The following GOLGB1 variants were observed in gnomAD, a reference collection of about 807,000 sequenced individuals.
GOLGB1 encodes the protein golgin subfamily B member 1.
GOLGB1 carries 174 observed loss-of-function variants against 336.9 expected under a neutral mutation model. The ratio of observed to expected loss-of-function variants is 0.52; its 90% CI spans 0.46 to 0.59. The LOEUF is 0.59. Ranked by LOEUF, GOLGB1 falls within the 20% of genes least tolerant of loss-of-function variation. The probability of loss-of-function intolerance (pLI) is 0.00; values close to 1 mark genes in which losing one functional copy is unlikely to be tolerated. For missense variants in GOLGB1, 3,331 were observed against 3,645.3 expected, an observed-to-expected ratio of 0.91 and a Z score of 2.22; for synonymous variants, 1,208 against 1,289.2, an observed-to-expected ratio of 0.94 and a Z score of 1.35.
chr3:121,737,607 G>T (rs868201679), intron 1 of GOLGB1, among the ~76,000 whole-genome samples: 1 of 148,936 alleles, frequency 6.7e-6, no homozygotes, highest in Non-Finnish European at 1.5e-5. Context: ...GCCAAGATTC[G>T]CACCACTGCA....
Position 121,722,396 on chromosome 3 carries a change from A to G in GOLGB1, c.532-18T>C. The G allele has an allele frequency of 1.5e-6, 2 of 1,332,988 alleles. No individual in the cohort carries two copies. The highest frequency in any genetic ancestry group is 2.2e-6 in the Non-Finnish European group (2 of 927,386). The allele number at this position is 1,332,988 out of a possible 1,614,324, so 82.6% of individuals were successfully genotyped here. A position where few individuals can be genotyped will look rare whatever the true frequency, so the allele number is the denominator to read the frequency against. ...GTAGAACTCTTATCAAACCGAAGAC[A>G]TAGAAGGAAAAAAAATTATTTAAGC... On this transcript the variant is annotated intron_variant, in intron 5 of 21. Transcript: ENST00000614479.
Position 121,681,685 on chromosome 3 carries a change from A to G in GOLGB1, c.8873+2T>C. The G allele has an allele frequency of 6.3e-7, 1 of 1,575,976 alleles. No homozygotes were observed. ...TTGAAAAGGAGGGATTATATATAGT[A>G]CCTGAGCTGATGCAGCTCATGCTGC... is the stretch of plus-strand genomic sequence containing the variant. On this transcript the variant is annotated splice_donor_variant, in intron 15 of 21. Transcript: ENST00000614479. LOFTEE classifies it high-confidence loss of function.
rs752345956 is a variant in GOLGB1 at position 121,677,322 on chromosome 3, G to A, written c.9002C>T (p.Ser3001Phe). ...TTGCACTTTGAGAGGCTGAGTCTGG[G>A]AGGAAGAAGACCTCAATTCCCTTAT... ...NLIRELRSSS[S>F]QTQPLKVQYQ... Residue 3001 changes from serine (S) to phenylalanine (F), a missense_variant, in exon 16 of 22, where the codon TCC becomes TTC. By Grantham distance (155) the Ser-to-Phe change is radical (BLOSUM62 -2). Transcript: ENST00000614479. 4 of 1,611,528 alleles carry A rather than the reference G, an allele frequency of 2.5e-6. No individual in the cohort carries two copies. The highest frequency in any genetic ancestry group is 3.4e-6 in the Non-Finnish European group (4 of 1,178,084).
intron 1 of GOLGB1, among the ~76,000 whole-genome samples, chr3:121,744,441 C>CAAAAAAAAAAAAAAAAAAAAAAAAAAAA (rs11290154): frequency 4.1e-5 from 3 of 73,098 alleles, no homozygotes; most frequent in Non-Finnish European, 8.1e-5. Flanking sequence ...ACTGTCTCTA[C>CAAAAAAAAAAAAAAAAAAAAAAAAAAAA]AAAAAAAAAA....
chr3:121,703,362 T>C (rs935234049), intron 10 of GOLGB1, among the ~76,000 whole-genome samples: 8 of 152,246 alleles, frequency 5.3e-5, no homozygotes, highest in Non-Finnish European at 1.2e-4. Context: ...GTTTGCAGTA[T>C]GCAGGGCAAG....
Position 121,695,907 on chromosome 3 carries a change from TTTTC to T in GOLGB1, c.4612_4615del (p.Glu1538LysfsTer5). 4 of 1,613,502 alleles carry T rather than the reference TTTTC, an allele frequency of 2.5e-6. No homozygotes were observed. The highest frequency in any genetic ancestry group is 3.4e-6 in the Non-Finnish European group (4 of 1,179,846). On this transcript the variant is annotated frameshift_variant, in exon 13 of 22. Coordinates refer to ENST00000614479, the MANE Select transcript of GOLGB1 (RefSeq NM_001366282.2). LOFTEE classifies it high-confidence loss of function. ...AGCTAACCTTCCTAAGACCGTATCT[TTTTC>T]TTTATTTTGAGCAGAAACTTGGCTT... is the stretch of plus-strand genomic sequence containing the variant.
Position 121,694,625 on chromosome 3 carries a change from A to C in GOLGB1, c.5898T>G (p.Leu1966=). 3 of 1,611,872 alleles carry C rather than the reference A, an allele frequency of 1.9e-6. No homozygotes were observed. The South Asian group carries it at 3.3e-5, about 18-fold the overall frequency. The part of the protein sequence containing the change: ...NELLESEMKN[L]KKCVSELEEE... ...CTTCCAATTCACTCACACACTTTTT[A>C]AGGTTCTTCATTTCAGATTCCAATA... The change falls in exon 13 of 22, where the codon CTT becomes CTG. Residue 1966 remains leucine, a synonymous_variant. Transcript: ENST00000614479.
intron 1 of GOLGB1, among the ~76,000 whole-genome samples, chr3:121,747,396 C>CATAT (rs1337229045): frequency 1.4e-5 from 2 of 139,756 alleles, no homozygotes; most frequent in African/African-American, 2.6e-5. Context: ...TATATATATA[C>CATAT]ATATATACGT....
chr3:121,697,438 T>C lies in GOLGB1; in HGVS notation c.3085A>G (p.Lys1029Glu). 6.2e-7 allele frequency: 1 copy of C among 1,611,360 alleles called. No individual in the cohort carries two copies. The highest frequency in any genetic ancestry group is 8.5e-7 in the Non-Finnish European group (1 of 1,179,480). The change falls in exon 13 of 22, where the codon AAG (lysine) becomes GAG (glutamate). Residue 1029 changes from lysine (K) to glutamate (E), a missense_variant. Coordinates refer to ENST00000614479, the MANE Select transcript of GOLGB1 (RefSeq NM_001366282.2). ...EELANLKDES[K>E]KEIPLSETER... Reference sequence around the variant, plus strand: ...GTCTCACTGAGTGGGATTTCTTTCTTAGATTCATCTTTCAAGTTGGCTAAT... The same window carrying C: ...GTCTCACTGAGTGGGATTTCTTTCTCAGATTCATCTTTCAAGTTGGCTAAT...
intron 14 of GOLGB1, among the ~76,000 whole-genome samples, chr3:121,683,511 C>A (rs1337412735): frequency 2.0e-5 from 3 of 152,012 alleles, no homozygotes; most frequent in African/African-American, 7.3e-5. Context: ...TAAGGGCTAC[C>A]AATAAGCTCA....
At chr3:121,667,796 C>T (rs1260269285) in intron 19 of GOLGB1, among the ~76,000 whole-genome samples, 186 bp from the exon 20 acceptor site, 2 of 152,192 alleles carry the variant, frequency 1.3e-5, no homozygotes, top group Non-Finnish European at 2.9e-5. Flanking sequence ...AAAGAAATTT[C>T]AGGAACTGAT....
At position 121,691,369 on chromosome 3, in the gene GOLGB1, T is replaced by C; in HGVS notation, c.7995A>G (p.Glu2665=). The C allele has an allele frequency of 6.2e-7, 1 of 1,613,062 alleles. No individual in the cohort carries two copies. Among genetic ancestry groups the C allele is most frequent in the East Asian group, 2.2e-5 (1 of 44,872 alleles). The change falls in exon 14 of 22, where the codon GAA becomes GAG. Residue 2665 remains glutamate, a synonymous_variant. Transcript: ENST00000614479. Reference sequence around the variant, plus strand: ...CTTCCTTTTGAACACAAACCAATTCTTCTTCCAGTTCTGCAATTCTCTTTT... The same window carrying C: ...CTTCCTTTTGAACACAAACCAATTCCTCTTCCAGTTCTGCAATTCTCTTTT... ...SSQKRIAELE[E]ELVCVQKEAA...
intron 4 of GOLGB1, among the ~76,000 whole-genome samples, chr3:121,728,151 G>A (rs1945815522): frequency 6.6e-6 from 1 of 152,124 alleles, no homozygotes; most frequent in Admixed American, 6.5e-5. Context: ...GGAAAAGAAG[G>A]ATCAAGGTGA....
At chr3:121,709,134 CTT>C (rs1463556286) in intron 10 of GOLGB1, among the ~76,000 whole-genome samples, 1 of 152,214 alleles carries the variant, frequency 6.6e-6, no homozygotes, top group Non-Finnish European at 1.5e-5. Context: ...AAAAGGAACA[CTT>C]TATCTGAAAA....
intron 17 of GOLGB1, among the ~76,000 whole-genome samples, chr3:121,675,019 G>T (rs995222108): frequency 3.3e-5 from 5 of 151,440 alleles, no homozygotes; most frequent in African/African-American, 4.8e-5. Context: ...TGTATTTTTA[G>T]TAGAGACGGG....
At chr3:121,717,193 A>C in intron 8 of GOLGB1, 54 bp from the exon 9 acceptor site, 2 of 1,377,530 alleles carry the variant, frequency 1.5e-6, no homozygotes, top group Non-Finnish European at 9.9e-7. Flanking sequence ...TCATTTCAAC[A>C]AGCATTGTAA....
intron 10 of GOLGB1, among the ~76,000 whole-genome samples, chr3:121,710,072 A>T (rs78152554): frequency 0.12 from 17,711 of 148,284 alleles, 1,145 homozygotes; most frequent in African/African-American, 0.18. Context: ...AAAAAAAAAA[A>T]GCCCAAACAA....
intron 5 of GOLGB1, among the ~76,000 whole-genome samples, chr3:121,723,303 G>A (rs1945324629): frequency 6.6e-6 from 1 of 152,140 alleles, no homozygotes; most frequent in African/African-American, 2.4e-5. Flanking sequence ...TTGAGGTGCT[G>A]CACAAGCAAC....
At chr3:121,727,997 A>C (rs1330235332) in intron 4 of GOLGB1, among the ~76,000 whole-genome samples, 1 of 152,212 alleles carries the variant, frequency 6.6e-6, no homozygotes. Context: ...GCTAAAAATG[A>C]AATTAAAAAG....
Sources: allele counts gnomAD v4.1 joint callset (sites outside exome capture counted in the v4.1 genomes callset), GRCh38; gene constraint gnomAD v4.1.1; transcripts MANE v1.5; gene names NCBI Gene and HGNC (gene_info 2026-07-23, HGNC 2026-07-21).